Variants in ACCSL observed in about 807,000 individuals in gnomAD.
ACCSL encodes 1-aminocyclopropane-1-carboxylate synthase homolog (inactive) like.
A neutral mutation model predicts 61.7 loss-of-function variants in ACCSL; 55 were observed. The ratio of observed to expected loss-of-function variants is 0.89; its 90% confidence interval spans 0.72 to 1.12. The LOEUF (loss-of-function observed/expected upper bound fraction) is 1.12, where lower values mean the gene tolerates loss of function less well. ACCSL is among the 50% of genes most tolerant of loss of function. ACCSL has a pLI of 0.00. For missense variants in ACCSL, 632 were observed against 698.0 expected (o/e 0.91, Z 1.07); for synonymous variants, 258 against 264.3 (o/e 0.98, Z 0.23).
chr11:43,977,178 CCTCT>C, the ACCSL span, among the ~76,000 whole-genome samples: 1 of 152,166 alleles, frequency 6.6e-6, no homozygotes, highest in Non-Finnish European at 1.5e-5. Flanking sequence ...GAGCTTGCTG[CCTCT>C]CTGAGTGTGG....
chr11:43,927,608 C>T, the ACCSL span, among the ~76,000 whole-genome samples: 6 of 152,350 alleles, frequency 3.9e-5, no homozygotes, highest in East Asian at 7.7e-4. Flanking sequence ...CCTTTGAGTA[C>T]ATCTCTGATT....
chr11:43,976,217 C>A, the ACCSL span, among the ~76,000 whole-genome samples: 1 of 152,022 alleles, frequency 6.6e-6, no homozygotes, highest in Non-Finnish European at 1.5e-5. Flanking sequence ...CTTTGGGAAC[C>A]TTGGGAGGAA....
intron 8 of ACCSL, among the ~76,000 whole-genome samples, chr11:44,053,786 C>T (rs572840902): frequency 2.0e-5 from 3 of 152,050 alleles, no homozygotes; most frequent in African/African-American, 4.8e-5. Flanking sequence ...TGCTTGAGCC[C>T]GGGAGGAGGA....
At chr11:44,007,667 C>T in the ACCSL span, among the ~76,000 whole-genome samples, 1 of 152,160 alleles carries the variant, frequency 6.6e-6, no homozygotes, top group Non-Finnish European at 1.5e-5. Context: ...ATATGTGTGA[C>T]CTTGGGCTGG....
the ACCSL span, chr11:43,926,502 G>A: frequency 2.2e-6 from 1 of 456,076 alleles, no homozygotes; most frequent in Non-Finnish European, 4.4e-6. Context: ...CTGGAATTCT[G>A]TTCAAGACCA....
the ACCSL span, among the ~76,000 whole-genome samples, chr11:43,928,855 G>T: frequency 6.6e-6 from 1 of 152,222 alleles, no homozygotes; most frequent in Admixed American, 6.5e-5. Flanking sequence ...TTCCCTCTTG[G>T]GAATGGAGCG....
the ACCSL span, among the ~76,000 whole-genome samples, chr11:44,000,413 C>A: frequency 6.7e-6 from 1 of 149,320 alleles, no homozygotes; most frequent in African/African-American, 2.5e-5. Context: ...CATGAGCCAC[C>A]TCACCTGGCC....
intron 8 of ACCSL, among the ~76,000 whole-genome samples, chr11:44,054,007 G>A (rs775295846): frequency 2.6e-5 from 4 of 152,194 alleles, no homozygotes; most frequent in Non-Finnish European, 5.9e-5. Flanking sequence ...CTCAGCCTAT[G>A]TATTGACATT....
the ACCSL span, among the ~76,000 whole-genome samples, chr11:44,025,593 C>T: frequency 3.3e-5 from 5 of 150,604 alleles, no homozygotes; most frequent in African/African-American, 4.9e-5. Context: ...GAGTTATAAA[C>T]AAAAACATAT....
At chr11:43,921,966 T>A in the ACCSL span, among the ~76,000 whole-genome samples, 2 of 152,122 alleles carry the variant, frequency 1.3e-5, no homozygotes, top group African/African-American at 4.8e-5. Flanking sequence ...TTCCAGACCA[T>A]GGCAAAGGGC....
chr11:43,991,811 A>C, the ACCSL span, among the ~76,000 whole-genome samples: 1 of 151,910 alleles, frequency 6.6e-6, no homozygotes, highest in Non-Finnish European at 1.5e-5. Context: ...AAAAACAAAA[A>C]CAATCCGCAC....
At chr11:44,033,044 A>T in the ACCSL span, among the ~76,000 whole-genome samples, 1 of 152,226 alleles carries the variant, frequency 6.6e-6, no homozygotes, top group Non-Finnish European at 1.5e-5. Context: ...TGCACAGTGG[A>T]GTAAGGCTCA....
At chr11:44,006,584 C>T in the ACCSL span, among the ~76,000 whole-genome samples, 2 of 148,304 alleles carry the variant, frequency 1.3e-5, no homozygotes, top group Admixed American at 1.4e-4. Context: ...CGGCTTACTG[C>T]AGCCTCCATC....
the ACCSL span, among the ~76,000 whole-genome samples, chr11:43,948,630 C>T: frequency 6.6e-6 from 1 of 152,266 alleles, no homozygotes; most frequent in South Asian, 2.1e-4. Flanking sequence ...TGCACCACCA[C>T]ACTTGACTAT....
chr11:44,051,205 A>T, intron 3 of ACCSL, 130 bp from the exon 4 acceptor site: 2 of 891,114 alleles, frequency 2.2e-6, no homozygotes, highest in Non-Finnish European at 3.8e-6. Flanking sequence ...TGATGGTCTT[A>T]GTCAGTAGCC....
At chr11:44,040,592 G>A in the ACCSL span, among the ~76,000 whole-genome samples, 3 of 152,140 alleles carry the variant, frequency 2.0e-5, no homozygotes, top group East Asian at 1.9e-4. Context: ...TGAGGAGGGC[G>A]GCAGAGCAGG....
At chr11:43,983,837 C>T in the ACCSL span, among the ~76,000 whole-genome samples, 21 of 152,024 alleles carry the variant, frequency 1.4e-4, no homozygotes, top group African/African-American at 3.6e-4. Flanking sequence ...TCTGTCAGGC[C>T]GGGCGCTGTG....
At chr11:44,017,457 G>A in the ACCSL span, among the ~76,000 whole-genome samples, 3 of 152,300 alleles carry the variant, frequency 2.0e-5, no homozygotes, top group South Asian at 6.2e-4. Flanking sequence ...TGGCATAGAG[G>A]AATGATGTCT....
At chr11:43,952,829 G>A in the ACCSL span, among the ~76,000 whole-genome samples, 1 of 152,146 alleles carries the variant, frequency 6.6e-6, no homozygotes, top group African/African-American at 2.4e-5. Context: ...AGAGGCCAGA[G>A]CATTTAATAG....
Sources: gnomAD v4.1 joint callset for allele counts (sites outside exome capture counted in the v4.1 genomes callset) on GRCh38, gnomAD v4.1.1 for gene constraint, MANE v1.5 for transcripts, NCBI Gene and HGNC (gene_info 2026-07-23, HGNC 2026-07-21) for gene names.